Variants in ZNF804B observed in about 807,000 individuals in gnomAD.
ZNF804B encodes the protein zinc finger 804B.
In ZNF804B, 80 loss-of-function variants were observed where a neutral mutation model predicts 101.4. That is an observed-to-expected ratio of 0.79 (90% confidence interval 0.66 to 0.95). The LOEUF (loss-of-function observed/expected upper bound fraction) is 0.95, where lower values mean the gene tolerates loss of function less well. Among genes scored for constraint, ZNF804B ranks in the 40% least tolerant of loss-of-function variants. The pLI, the probability that ZNF804B is intolerant of heterozygous loss-of-function variation, is 0.00. For missense variants in ZNF804B, 1,673 were observed against 1,561.9 expected, an observed-to-expected ratio of 1.07 and a Z score of -1.20; for synonymous variants, 622 against 558.8, an observed-to-expected ratio of 1.11 and a Z score of -1.59.
In ZNF804B at chr7:89,095,031, A is replaced by G. The variant is rs532085954; in HGVS notation, c.109-123124A>G. Among the ~76,000 whole-genome samples, 5 of 152,268 alleles carry G rather than the reference A, an allele frequency of 3.3e-5. No homozygotes were observed. In the South Asian group the frequency reaches 8.3e-4, roughly 25 times the overall value. On this transcript the variant is annotated intron_variant, in intron 1 of 3. Transcript: ENST00000333190. ...TATAATGTGCTCTTCTTGTGATACA[A>G]TGTTTTTGCTATGGTTTGAATGTTT... is the stretch of plus-strand genomic sequence containing the variant.
intron 1 of ZNF804B, among the ~76,000 whole-genome samples, chr7:89,167,812 T>C (rs542745642): frequency 2.0e-5 from 3 of 152,256 alleles, no homozygotes; most frequent in South Asian, 4.1e-4. Flanking sequence ...TGTTAAGTTA[T>C]ATAACTTGTC....
intron 1 of ZNF804B, among the ~76,000 whole-genome samples, chr7:88,819,047 T>C (rs768064983): frequency 4.6e-5 from 7 of 152,190 alleles, no homozygotes; most frequent in Non-Finnish European, 7.3e-5. Context: ...CAGCAGGAGA[T>C]AGTAGCGTGA....
chr7:89,049,001 C>T (rs191112690), intron 1 of ZNF804B, among the ~76,000 whole-genome samples: 4 of 152,072 alleles, frequency 2.6e-5, no homozygotes, highest in Admixed American at 2.0e-4. Context: ...GGAAGAAACA[C>T]AATTTCAGGT....
intron 1 of ZNF804B, among the ~76,000 whole-genome samples, chr7:88,860,758 C>T (rs183189343): frequency 1.3e-5 from 2 of 152,122 alleles, no homozygotes; most frequent in Admixed American, 6.6e-5. Flanking sequence ...CTACATTAAC[C>T]AATGTGAGAT....
chr7:88,904,192 C>A (rs1792433485), intron 1 of ZNF804B, among the ~76,000 whole-genome samples: 1 of 152,150 alleles, frequency 6.6e-6, no homozygotes, highest in Non-Finnish European at 1.5e-5. Flanking sequence ...ATCCCAACAA[C>A]ATTTATTCAA....
chr7:88,793,430 G>T (rs1790415706), intron 1 of ZNF804B, among the ~76,000 whole-genome samples: 1 of 152,020 alleles, frequency 6.6e-6, no homozygotes, highest in African/African-American at 2.4e-5. Flanking sequence ...GTAACATAGA[G>T]GGATGTTCAA....
chr7:89,076,693 T>G (rs1020753061), intron 1 of ZNF804B, among the ~76,000 whole-genome samples: 5 of 152,204 alleles, frequency 3.3e-5, no homozygotes, highest in African/African-American at 9.6e-5. Context: ...AGAGAAATTT[T>G]TGTATAAATT....
chr7:89,088,858 T>G (rs1789843335), intron 1 of ZNF804B, among the ~76,000 whole-genome samples: 2 of 151,766 alleles, frequency 1.3e-5, no homozygotes, highest in South Asian at 4.2e-4. Flanking sequence ...AGCTAGATTT[T>G]CAAAGGTGTA....
At chr7:89,189,335 A>C (rs1788422351) in intron 1 of ZNF804B, among the ~76,000 whole-genome samples, 1 of 152,090 alleles carries the variant, frequency 6.6e-6, no homozygotes, top group Non-Finnish European at 1.5e-5. Context: ...AGCTCTGATG[A>C]AGATGTATAA....
At chr7:89,314,353 T>A (rs548403988) in intron 2 of ZNF804B, among the ~76,000 whole-genome samples, 1 of 152,262 alleles carries the variant, frequency 6.6e-6, no homozygotes, top group African/African-American at 2.4e-5. Flanking sequence ...ACTTCCTTTT[T>A]TTCGACTTCT....
chr7:89,146,708 A>T lies in ZNF804B; in HGVS notation c.109-71447A>T, dbSNP rs539098183. The stretch of plus-strand genomic sequence containing the variant: ...ATTAGGATAAAAAGAACTTTATGTA[A>T]ATTAAATTAAGATATTAAAAATTAA... On this transcript the variant is annotated intron_variant, in intron 1 of 3. Transcript: ENST00000333190. Among the ~76,000 whole-genome samples the T allele has an allele frequency of 1.7e-3, 261 of 152,090 alleles. 1 individual carries two copies. The highest frequency in any genetic ancestry group is 4.0e-3 in the Admixed American group (61 of 15,230).
At chr7:89,096,184 C>A (rs1400392466) in intron 1 of ZNF804B, among the ~76,000 whole-genome samples, 2 of 151,262 alleles carry the variant, frequency 1.3e-5, no homozygotes. Context: ...AAATCAGTAC[C>A]TCAGCAGATG....
rs147846290 is a variant in ZNF804B at position 88,900,884 on chromosome 7, T to C, written c.108+140800T>C. On this transcript the variant is annotated intron_variant, in intron 1 of 3. Transcript: ENST00000333190. ...ACAGAATTGCTCTGCTTGTTGCTTA[T>C]GTTCAAGGCAAACAAAGGTAAAATA... Among the ~76,000 whole-genome samples, 821 of 151,748 alleles carry C rather than the reference T, an allele frequency of 5.4e-3. 14 individuals are homozygous for C. Among genetic ancestry groups the C allele is most frequent in the East Asian group, 0.034 (176 of 5,168 alleles).
intron 1 of ZNF804B, among the ~76,000 whole-genome samples, chr7:89,150,777 G>A (rs1463031120): frequency 1.3e-5 from 2 of 152,094 alleles, no homozygotes; most frequent in African/African-American, 2.4e-5. Flanking sequence ...GACGCTGGAG[G>A]GGAAGGAAAG....
rs150854689 is a variant in ZNF804B at position 89,236,411 on chromosome 7, T to G, written c.249+18116T>G. ...ATGAAAATTACAAAATTCCCCATGG[T>G]GATTAAAATAAGAGAAAATAAGATC... On this transcript the variant is annotated intron_variant, in intron 2 of 3. Transcript: ENST00000333190. 3.8e-3 allele frequency among the ~76,000 whole-genome samples: 573 copies of G among 152,154 alleles called. 3 individuals are homozygous for G. Among genetic ancestry groups the G allele is most frequent in the African/African-American group, 0.013 (550 of 41,512 alleles).
At chr7:88,797,271 C>G (rs898600623) in intron 1 of ZNF804B, among the ~76,000 whole-genome samples, 1 of 152,098 alleles carries the variant, frequency 6.6e-6, no homozygotes, top group African/African-American at 2.4e-5. Context: ...TACACTACCT[C>G]TTTCATAGTC....
In ZNF804B at chr7:88,778,242, G is replaced by C. The variant is rs1371322951; in HGVS notation, c.108+18158G>C. Among the ~76,000 whole-genome samples the C allele has an allele frequency of 2.0e-5, 3 of 152,094 alleles. No individual in the cohort carries two copies. In the East Asian group the frequency reaches 5.8e-4, roughly 29 times the overall value. ...GCAACCTATCTCCATTTTCAAGCTA[G>C]AAACTTCCTCTCATGCTGCCATCTT... On this transcript the variant is annotated intron_variant, in intron 1 of 3. Coordinates refer to ENST00000333190, the MANE Select transcript of ZNF804B (RefSeq NM_181646.5).
At chr7:89,187,196 A>G (rs575484979) in intron 1 of ZNF804B, among the ~76,000 whole-genome samples, 1 of 152,254 alleles carries the variant, frequency 6.6e-6, no homozygotes, top group Admixed American at 6.6e-5. Flanking sequence ...CAGGGAATTA[A>G]CTTTAGCCCT....
chr7:89,078,280 T>G (rs1789642372), intron 1 of ZNF804B, among the ~76,000 whole-genome samples: 1 of 152,052 alleles, frequency 6.6e-6, no homozygotes, highest in Non-Finnish European at 1.5e-5. Context: ...GTTTAATCAG[T>G]ATATTTTGTG....
Sources: gnomAD v4.1 joint callset for allele counts (sites outside exome capture counted in the v4.1 genomes callset) on GRCh38, gnomAD v4.1.1 for gene constraint, MANE v1.5 for transcripts, NCBI Gene and HGNC (gene_info 2026-07-23, HGNC 2026-07-21) for gene names.